KSR2: variants seen among roughly 807,000 people sequenced by gnomAD.
The protein encoded by KSR2 is kinase suppressor of ras 2.
In KSR2, 25 loss-of-function variants were observed where a neutral mutation model predicts 107.8. The observed-to-expected ratio is 0.23, with a 90% confidence interval of 0.17 to 0.32. The LOEUF (loss-of-function observed/expected upper bound fraction) is 0.32. KSR2 is among the 10% of genes least tolerant of loss of function. The pLI is 1.00. For synonymous variants in KSR2, 480 were observed against 507.0 expected (o/e 0.95, Z 0.71); for missense variants, 887 against 1,268.9 (o/e 0.70, Z 4.57).
chr12:117,702,362 CT>C (rs1415509787), intron 4 of KSR2, among the ~76,000 whole-genome samples: 36 of 141,658 alleles, frequency 2.5e-4, no homozygotes, highest in Admixed American at 2.5e-3. Context: ...TTCTTCACCC[CT>C]ATCACCGAGC....
chr12:117,905,780 TA>T (rs2137409580), intron 1 of KSR2, among the ~76,000 whole-genome samples: 1 of 150,768 alleles, frequency 6.6e-6, no homozygotes, highest in South Asian at 2.1e-4. Flanking sequence ...AATAATAAAA[TA>T]ACCACAAAAG....
chr12:117,896,461 T>G (rs1773017609), intron 1 of KSR2, among the ~76,000 whole-genome samples: 1 of 150,168 alleles, frequency 6.7e-6, no homozygotes, highest in Admixed American at 6.7e-5. Flanking sequence ...GCACAACATT[T>G]TTTTTTTTTT....
intron 3 of KSR2, among the ~76,000 whole-genome samples, chr12:117,821,903 T>C (rs977523709): frequency 1.3e-5 from 2 of 152,162 alleles, no homozygotes; most frequent in Admixed American, 6.5e-5. Context: ...TGAAACCTAC[T>C]GGGCTGCATT....
At chr12:117,655,897 T>C (rs1288481974) in intron 5 of KSR2, among the ~76,000 whole-genome samples, 1 of 152,178 alleles carries the variant, frequency 6.6e-6, no homozygotes, top group African/African-American at 2.4e-5. Context: ...TACCATGCAC[T>C]GTGATTAAGA....
At chr12:117,954,364 A>G (rs1000332070) in intron 1 of KSR2, among the ~76,000 whole-genome samples, 4 of 152,196 alleles carry the variant, frequency 2.6e-5, no homozygotes, top group African/African-American at 9.6e-5. Context: ...TTGTTATCCA[A>G]CTTAGAGTTG....
intron 1 of KSR2, among the ~76,000 whole-genome samples, chr12:117,952,173 A>G (rs1242412140): frequency 1.3e-5 from 2 of 151,378 alleles, no homozygotes; most frequent in East Asian, 3.9e-4. Flanking sequence ...ACACACACAC[A>G]CACACACACA....
rs56692281 is a variant in KSR2 at position 117,760,293 on chromosome 12, C to T, written c.986+718G>A. Among the ~76,000 whole-genome samples, 676 of 152,318 alleles carry T rather than the reference C, an allele frequency of 4.4e-3. 7 individuals carry two copies. The highest frequency in any genetic ancestry group is 0.016 in the African/African-American group (649 of 41,568). ...TACATCACACACCTGCTCTCTCCCC[C>T]AAAGGGGTCCTCTGTCAATTTCCCC... On this transcript the variant is annotated intron_variant, in intron 4 of 19. Coordinates refer to ENST00000339824, the MANE Select transcript of KSR2 (RefSeq NM_173598.6).
At chr12:117,927,443 G>T (rs535964838) in intron 1 of KSR2, among the ~76,000 whole-genome samples, 63 of 151,118 alleles carry the variant, frequency 4.2e-4, no homozygotes, top group Non-Finnish European at 2.9e-5. Flanking sequence ...TGTAATCCCA[G>T]CATTTTGGGA....
At chr12:117,730,933 G>A (rs1351808368) in intron 4 of KSR2, among the ~76,000 whole-genome samples, 15 of 152,026 alleles carry the variant, frequency 9.9e-5, no homozygotes, top group East Asian at 3.9e-4. Context: ...CCGCCACCCC[G>A]TCTAGGAAGT....
At chr12:117,745,451 G>A (rs1215415264) in intron 4 of KSR2, among the ~76,000 whole-genome samples, 1 of 152,128 alleles carries the variant, frequency 6.6e-6, no homozygotes, top group Non-Finnish European at 1.5e-5. Flanking sequence ...CATCTGATAA[G>A]AGGTTAATAT....
chr12:117,904,383 G>A (rs561438738), intron 1 of KSR2, among the ~76,000 whole-genome samples: 31 of 152,344 alleles, frequency 2.0e-4, no homozygotes, highest in Non-Finnish European at 3.7e-4. Context: ...CCAGTTCTCA[G>A]CCAACCAGGT....
At chr12:117,535,493 T>C (rs1501635) in intron 10 of KSR2, among the ~76,000 whole-genome samples, 54,595 of 151,940 alleles carry the variant, frequency 0.36, 9,967 homozygotes, top group Middle Eastern at 0.41. Flanking sequence ...AACACTCTCA[T>C]GAGCCCACAT....
At chr12:117,871,086 T>C (rs973505580) in intron 1 of KSR2, among the ~76,000 whole-genome samples, 1 of 152,208 alleles carries the variant, frequency 6.6e-6, no homozygotes, top group Non-Finnish European at 1.5e-5. Flanking sequence ...TCGAGCCAAA[T>C]GCTGTAATGA....
intron 6 of KSR2, among the ~76,000 whole-genome samples, chr12:117,581,234 G>A (rs1412227159): frequency 6.6e-6 from 1 of 152,084 alleles, no homozygotes; most frequent in African/African-American, 2.4e-5. Context: ...CAGCTATGGT[G>A]ATGCATCTGC....
intron 5 of KSR2, among the ~76,000 whole-genome samples, chr12:117,666,634 C>T (rs1884671045): frequency 6.6e-6 from 1 of 152,196 alleles, no homozygotes; most frequent in Non-Finnish European, 1.5e-5. Context: ...TATCAGGGCT[C>T]AGTGAACATG....
At chr12:117,673,641 G>A (rs975546748) in intron 4 of KSR2, among the ~76,000 whole-genome samples, 3 of 152,086 alleles carry the variant, frequency 2.0e-5, no homozygotes, top group Admixed American at 1.3e-4. Flanking sequence ...ACAAGATGTG[G>A]GATTCACCTT....
chr12:117,849,333 G>A (rs1381479168), intron 3 of KSR2, among the ~76,000 whole-genome samples: 1 of 152,128 alleles, frequency 6.6e-6, no homozygotes, highest in Non-Finnish European at 1.5e-5. Context: ...AAACTTTATG[G>A]AGACACACAC....
intron 5 of KSR2, among the ~76,000 whole-genome samples, chr12:117,644,581 C>A (rs1883532355): frequency 6.6e-6 from 1 of 152,068 alleles, no homozygotes; most frequent in South Asian, 2.1e-4. Context: ...TAAAATGCAT[C>A]CCAGGTGATT....
chr12:117,797,391 C>T (rs1419936284), intron 3 of KSR2, among the ~76,000 whole-genome samples: 1 of 152,160 alleles, frequency 6.6e-6, no homozygotes, highest in Non-Finnish European at 1.5e-5. Context: ...CAAAGTGTCA[C>T]ATCTTACAGG....
Sources: gnomAD v4.1 joint callset for allele counts (sites outside exome capture counted in the v4.1 genomes callset) on GRCh38, gnomAD v4.1.1 for gene constraint, MANE v1.5 for transcripts, NCBI Gene and HGNC (gene_info 2026-07-23, HGNC 2026-07-21) for gene names.